The following CEMIP variants were observed in gnomAD, a reference collection of about 807,000 sequenced individuals.
CEMIP encodes cell migration-inducing and hyaluronan-binding protein.
A neutral mutation model predicts 156.9 loss-of-function variants in CEMIP; 105 were observed. The observed-to-expected ratio is 0.67, with a 90% confidence interval of 0.57 to 0.79. CEMIP has a LOEUF of 0.79. Among genes scored for constraint, CEMIP ranks in the 30% least tolerant of loss-of-function variants. The probability of loss-of-function intolerance (pLI) is 0.00; values close to 1 mark genes in which losing one functional copy is unlikely to be tolerated. For missense variants in CEMIP, 1,457 were observed against 1,769.4 expected, an observed-to-expected ratio of 0.82 and a Z score of 3.17; for synonymous variants, 676 against 668.4, an observed-to-expected ratio of 1.01 and a Z score of -0.17.
intron 10 of CEMIP, among the ~76,000 whole-genome samples, chr15:80,894,781 G>T (rs1356607190): frequency 1.3e-5 from 2 of 152,110 alleles, no homozygotes; most frequent in African/African-American, 4.8e-5. Context: ...CTCAGGCCAG[G>T]CATTTATCTA....
At chr15:80,795,558 G>T (rs946002864) in intron 1 of CEMIP, among the ~76,000 whole-genome samples, 2 of 152,150 alleles carry the variant, frequency 1.3e-5, no homozygotes, top group Admixed American at 6.5e-5. Context: ...ACTAGAGTGG[G>T]TTTGGGCTGG....
At chr15:80,828,049 A>T (rs1897077692) in intron 1 of CEMIP, among the ~76,000 whole-genome samples, 1 of 152,224 alleles carries the variant, frequency 6.6e-6, no homozygotes, top group African/African-American at 2.4e-5. Context: ...AAAGGATTTC[A>T]TGTGAAGAAA....
rs142753750 is a variant in CEMIP at position 80,919,170 on chromosome 15, C to T, written c.1798-924C>T. ...CTGAACCCAGGCGTTGCAAATGTGG[C>T]TTGATGCACGTCTTGGGCTGACAAG... On this transcript the variant is annotated intron_variant, in intron 14 of 29. Coordinates refer to ENST00000394685, the MANE Select transcript of CEMIP (RefSeq NM_001293298.2). 7.3e-3 allele frequency among the ~76,000 whole-genome samples: 1,110 copies of T among 152,266 alleles called. 12 individuals are homozygous for T. Among genetic ancestry groups the T allele is most frequent in the African/African-American group, 0.025 (1,057 of 41,548 alleles).
At chr15:80,894,179 A>T (rs559930215) in intron 10 of CEMIP, among the ~76,000 whole-genome samples, 1 of 152,218 alleles carries the variant, frequency 6.6e-6, no homozygotes, top group African/African-American at 2.4e-5. Flanking sequence ...AGAGCCCACC[A>T]TGCGGTGGGA....
chr15:80,884,112 TTAGAGCTC>T, intron 6 of CEMIP, 55 bp from the exon 7 acceptor site: 1 of 1,527,642 alleles, frequency 6.5e-7, no homozygotes, highest in Non-Finnish European at 9.1e-7. Context: ...AGGCATGTGC[TTAGAGCTC>T]TTTGTTTTGG....
intron 1 of CEMIP, among the ~76,000 whole-genome samples, chr15:80,818,090 A>G (rs1896827812): frequency 6.6e-6 from 1 of 152,230 alleles, no homozygotes; most frequent in South Asian, 2.1e-4. Flanking sequence ...TAAGTAAAGC[A>G]ATGCTGCAGG....
chr15:80,802,357 A>T (rs986223733), intron 1 of CEMIP, among the ~76,000 whole-genome samples: 3 of 152,212 alleles, frequency 2.0e-5, no homozygotes, highest in African/African-American at 7.2e-5. Context: ...AAGCCCTGTT[A>T]TCCCTTTCGC....
intron 19 of CEMIP, among the ~76,000 whole-genome samples, chr15:80,926,037 G>A (rs990679118): frequency 2.6e-5 from 4 of 152,172 alleles, no homozygotes; most frequent in Non-Finnish European, 4.4e-5. Flanking sequence ...AAGGTCATGC[G>A]GACCATCAGC....
chr15:80,833,557 T>C (rs957745089), intron 1 of CEMIP, among the ~76,000 whole-genome samples: 5 of 152,150 alleles, frequency 3.3e-5, no homozygotes, highest in Admixed American at 1.3e-4. Flanking sequence ...CCTTTGGGTA[T>C]CAGAGATGCA....
chr15:80,947,507 G>A (rs1161601235), intron 29 of CEMIP: 1 of 169,614 alleles, frequency 5.9e-6, no homozygotes, highest in Non-Finnish European at 1.3e-5. Context: ...ATTTGTTCCA[G>A]AAAACTAAAG....
chr15:80,859,770 G>C (rs1480000002), intron 1 of CEMIP, among the ~76,000 whole-genome samples: 1 of 152,208 alleles, frequency 6.6e-6, no homozygotes, highest in Non-Finnish European at 1.5e-5. Context: ...CGGAAGTATT[G>C]GGATAGTGGA....
At chr15:80,838,878 C>T (rs949563381) in intron 1 of CEMIP, among the ~76,000 whole-genome samples, 10 of 152,156 alleles carry the variant, frequency 6.6e-5, no homozygotes, top group Non-Finnish European at 7.3e-5. Flanking sequence ...AGTATTTGAC[C>T]CTGTGTGGCT....
In CEMIP at chr15:80,909,078, C is replaced by T; in HGVS notation, c.1588-19C>T. On this transcript the variant is annotated intron_variant, in intron 13 of 29. Transcript: ENST00000394685. ...AAGCATCTCATGGGCTCCTCTGACT[C>T]TCGGTTCTCCTCTCCTAGTTTGCTC... 6.2e-7 allele frequency: 1 copy of T among 1,612,586 alleles called. No individual in the cohort carries two copies. Among genetic ancestry groups the T allele is most frequent in the Non-Finnish European group, 8.5e-7 (1 of 1,179,448 alleles).
At chr15:80,853,692 C>T (rs866606420) in intron 1 of CEMIP, among the ~76,000 whole-genome samples, 6 of 152,300 alleles carry the variant, frequency 3.9e-5, no homozygotes, top group African/African-American at 7.2e-5. Context: ...GCTCTAAGGG[C>T]GAGCATTGTT....
chr15:80,796,551 A>G (rs1460647969), intron 1 of CEMIP, among the ~76,000 whole-genome samples: 2 of 152,194 alleles, frequency 1.3e-5, no homozygotes, highest in African/African-American at 4.8e-5. Context: ...TCCATGTCCC[A>G]CTTATGTGTG....
At chr15:80,792,536 T>A (rs7162157) in intron 1 of CEMIP, among the ~76,000 whole-genome samples, 131,746 of 152,170 alleles carry the variant, frequency 0.87, 57,149 homozygotes, top group Middle Eastern at 0.93. Flanking sequence ...TATTATTCTG[T>A]GTACTATGTG....
chr15:80,795,711 A>G (rs894624342), intron 1 of CEMIP, among the ~76,000 whole-genome samples: 1 of 152,016 alleles, frequency 6.6e-6, no homozygotes, highest in African/African-American at 2.4e-5. Context: ...AGGTGGGAGG[A>G]TTTCTTGAGC....
intron 1 of CEMIP, among the ~76,000 whole-genome samples, chr15:80,838,449 C>T (rs1483855499): frequency 1.3e-5 from 2 of 152,144 alleles, no homozygotes; most frequent in African/African-American, 4.8e-5. Flanking sequence ...AATGGCCTCT[C>T]TGGCTCAGCA....
At chr15:80,799,509 G>C (rs1896321760) in intron 1 of CEMIP, among the ~76,000 whole-genome samples, 2 of 152,154 alleles carry the variant, frequency 1.3e-5, no homozygotes, top group East Asian at 3.8e-4. Context: ...CTTATGAAAG[G>C]TTTATTCACA....
Sources: gnomAD v4.1 joint callset for allele counts (sites outside exome capture counted in the v4.1 genomes callset) on GRCh38, gnomAD v4.1.1 for gene constraint, MANE v1.5 for transcripts, NCBI Gene and HGNC (gene_info 2026-07-23, HGNC 2026-07-21) for gene names.